The following TBC1D30 variants were observed in gnomAD, a reference collection of about 807,000 sequenced individuals.
The protein encoded by TBC1D30 is TBC1 domain family member 30, also known as TBC1 domain family, member 30.
In TBC1D30, 31 loss-of-function variants were observed where a neutral mutation model predicts 63.2. The ratio of observed to expected loss-of-function variants is 0.49; its 90% CI spans 0.37 to 0.66. TBC1D30 has a LOEUF of 0.66. TBC1D30 is among the 30% of genes least tolerant of loss of function. The pLI is 0.00. For missense variants in TBC1D30, 810 were observed against 953.6 expected (o/e 0.85, Z 1.98); for synonymous variants, 307 against 361.5 (o/e 0.85, Z 1.71).
intron 2 of TBC1D30, among the ~76,000 whole-genome samples, chr12:64,803,872 A>T (rs1872719178): frequency 1.3e-5 from 2 of 152,170 alleles, no homozygotes; most frequent in South Asian, 4.1e-4. Context: ...CTGTTTTGGT[A>T]CCAGTATCAT....
At chr12:64,770,840 A>T (rs917373430) in intron 1 of TBC1D30, among the ~76,000 whole-genome samples, 1 of 150,418 alleles carries the variant, frequency 6.6e-6, no homozygotes. Flanking sequence ...CGTAGCTGGG[A>T]CTACAGGCGA....
At chr12:64,860,883 T>G (rs1342896851) in intron 8 of TBC1D30, among the ~76,000 whole-genome samples, 2 of 152,228 alleles carry the variant, frequency 1.3e-5, no homozygotes, top group Non-Finnish European at 2.9e-5. Flanking sequence ...CCCAACACAC[T>G]GCTTCCACCT....
intron 2 of TBC1D30, among the ~76,000 whole-genome samples, chr12:64,789,509 A>G (rs1871802391): frequency 6.6e-6 from 1 of 152,088 alleles, no homozygotes; most frequent in African/African-American, 2.4e-5. Flanking sequence ...ATAACATGCT[A>G]TAGAATAAAA....
chr12:64,781,182 A>G, exon 1 of TBC1D30: 1 of 1,056,364 alleles, frequency 9.5e-7, no homozygotes, highest in South Asian at 2.5e-5. Context: ...TCGGGCTCCG[A>G]CGTGGTCCTG....
intron 7 of TBC1D30, among the ~76,000 whole-genome samples, 173 bp from the exon 8 acceptor site, chr12:64,843,207 C>T (rs1021917187): frequency 1.3e-5 from 2 of 152,170 alleles, no homozygotes; most frequent in Admixed American, 1.3e-4. Context: ...TGGGGTCTTG[C>T]TGCATTGAGG....
chr12:64,857,603 T>C (rs1877419641), intron 8 of TBC1D30, among the ~76,000 whole-genome samples: 1 of 152,194 alleles, frequency 6.6e-6, no homozygotes, highest in Non-Finnish European at 1.5e-5. Context: ...AGCTTGTGTC[T>C]CCCTAGGTCA....
intron 2 of TBC1D30, among the ~76,000 whole-genome samples, chr12:64,813,964 A>G (rs150162522): frequency 2.2e-4 from 34 of 152,344 alleles, no homozygotes; most frequent in African/African-American, 7.7e-4. Flanking sequence ...TTGAGAGGAA[A>G]GAGACTGCCT....
At chr12:64,805,477 C>T (rs2136322231) in intron 2 of TBC1D30, among the ~76,000 whole-genome samples, 1 of 152,292 alleles carries the variant, frequency 6.6e-6, no homozygotes, top group East Asian at 1.9e-4. Flanking sequence ...TTTTTCTGCA[C>T]ATCATCCTGT....
intron 8 of TBC1D30, among the ~76,000 whole-genome samples, chr12:64,852,270 T>A (rs1876940494): frequency 6.6e-6 from 1 of 152,100 alleles, no homozygotes; most frequent in South Asian, 2.1e-4. Flanking sequence ...GTCTCTGATA[T>A]CCTTTCTTCC....
At chr12:64,786,215 A>G (rs1053455729) in intron 2 of TBC1D30, among the ~76,000 whole-genome samples, 3 of 152,230 alleles carry the variant, frequency 2.0e-5, no homozygotes, top group African/African-American at 7.2e-5. Context: ...TTCAGTTAAA[A>G]TGTATACTTC....
At chr12:64,765,637 A>T (rs1870685334) in intron 1 of TBC1D30, among the ~76,000 whole-genome samples, 1 of 151,712 alleles carries the variant, frequency 6.6e-6, no homozygotes, top group South Asian at 2.1e-4. Context: ...ATGTGTTAAA[A>T]CTCCTATTAT....
intron 6 of TBC1D30, among the ~76,000 whole-genome samples, chr12:64,837,349 G>A (rs1476633426): frequency 6.6e-6 from 1 of 151,904 alleles, no homozygotes; most frequent in Non-Finnish European, 1.5e-5. Flanking sequence ...AATACATAAT[G>A]AAGTAATTAC....
intron 2 of TBC1D30, among the ~76,000 whole-genome samples, chr12:64,815,796 TC>T: frequency 6.6e-6 from 1 of 152,192 alleles, no homozygotes; most frequent in East Asian, 1.9e-4. Flanking sequence ...CTTTTTTTTT[TC>T]TTTTTTGAGA....
chr12:64,778,434 G>A (rs922523988), upstream of TBC1D30, among the ~76,000 whole-genome samples: 10 of 151,846 alleles, frequency 6.6e-5, no homozygotes, highest in Non-Finnish European at 2.9e-5. Flanking sequence ...ACTGTAGTAT[G>A]TGGGAAGAGG....
At chr12:64,805,834 A>AAAAAT (rs530625835) in intron 2 of TBC1D30, among the ~76,000 whole-genome samples, 10 of 152,220 alleles carry the variant, frequency 6.6e-5, no homozygotes, top group South Asian at 2.1e-4. Context: ...CTCTGTCTCA[A>AAAAAT]AAAATAAAAT....
chr12:64,808,461 A>G (rs1375718258), intron 2 of TBC1D30, among the ~76,000 whole-genome samples: 2 of 152,174 alleles, frequency 1.3e-5, no homozygotes, highest in South Asian at 4.1e-4. Flanking sequence ...GAGGTGCTCA[A>G]AAATGTTTGC....
chr12:64,777,808 G>A (rs552557017), upstream of TBC1D30, among the ~76,000 whole-genome samples: 17 of 152,320 alleles, frequency 1.1e-4, no homozygotes, highest in African/African-American at 3.6e-4. Context: ...TGCCCAGGCC[G>A]GAGTGCAGTG....
intron 2 of TBC1D30, among the ~76,000 whole-genome samples, chr12:64,800,310 T>G (rs1872531211): frequency 6.6e-6 from 1 of 152,110 alleles, no homozygotes; most frequent in Non-Finnish European, 1.5e-5. Flanking sequence ...GAGTTTAGAT[T>G]GTGTGTCCTG....
chr12:64,774,204 T>C (rs1333503698), intron 1 of TBC1D30, among the ~76,000 whole-genome samples: 1 of 152,196 alleles, frequency 6.6e-6, no homozygotes, highest in Non-Finnish European at 1.5e-5. Context: ...GCTTGAAGAA[T>C]GTCTTTCTGA....
Sources: allele counts gnomAD v4.1 joint callset (sites outside exome capture counted in the v4.1 genomes callset), GRCh38; gene constraint gnomAD v4.1.1; transcripts MANE v1.5; gene names NCBI Gene and HGNC (gene_info 2026-07-23, HGNC 2026-07-21).